The following SHISA9 variants were observed in gnomAD, a reference collection of about 807,000 sequenced individuals.
SHISA9 encodes the protein protein shisa-9.
Under a neutral mutation model 38.0 loss-of-function variants are expected in SHISA9, and 13 were observed. The observed-to-expected ratio is 0.34, with a 90% confidence interval of 0.22 to 0.54. SHISA9 has a LOEUF of 0.54. Ranked by LOEUF, SHISA9 falls within the 20% of genes least tolerant of loss-of-function variation. The pLI is 0.91. For synonymous variants in SHISA9, 275 were observed against 242.0 expected (o/e 1.14, Z -1.27); for missense variants, 538 against 575.8 (o/e 0.93, Z 0.67).
At chr16:12,944,088 G>A (rs531920989) in intron 2 of SHISA9, among the ~76,000 whole-genome samples, 5 of 152,204 alleles carry the variant, frequency 3.3e-5, no homozygotes, top group African/African-American at 1.2e-4. Flanking sequence ...ACCCAGTTAT[G>A]ATAACCAAAT....
the SHISA9 span, among the ~76,000 whole-genome samples, chr16:13,330,151 A>G: frequency 6.6e-6 from 1 of 152,240 alleles, no homozygotes; most frequent in Admixed American, 6.5e-5. Flanking sequence ...TGGCACATTC[A>G]GATAGGCAGC....
chr16:12,998,806 T>C (rs8048446), intron 2 of SHISA9, among the ~76,000 whole-genome samples: 35,804 of 152,106 alleles, frequency 0.24, 4,450 homozygotes, highest in Middle Eastern at 0.34. Flanking sequence ...AATGAGTATT[T>C]ATGTCTGTAA....
At chr16:13,271,121 A>T in the SHISA9 span, among the ~76,000 whole-genome samples, 2 of 152,192 alleles carry the variant, frequency 1.3e-5, no homozygotes, top group African/African-American at 4.8e-5. Context: ...CAAGTCTGAC[A>T]CCCAAATCAA....
chr16:12,908,712 G>T, intron 1 of SHISA9: 1 of 1,475,676 alleles, frequency 6.8e-7, no homozygotes, highest in South Asian at 1.4e-5. Context: ...GCCAGTTCAA[G>T]AAGCTACCGT....
the SHISA9 span, among the ~76,000 whole-genome samples, chr16:13,539,107 A>G: frequency 2.6e-5 from 4 of 151,650 alleles, no homozygotes; most frequent in South Asian, 8.4e-4. Context: ...TCTAGTGAGG[A>G]TAAGGTCCAG....
At chr16:13,293,323 C>T in the SHISA9 span, among the ~76,000 whole-genome samples, 6 of 152,104 alleles carry the variant, frequency 3.9e-5, no homozygotes, top group African/African-American at 1.4e-4. Context: ...GTTTTGAACT[C>T]CATGTTCTTT....
the SHISA9 span, among the ~76,000 whole-genome samples, chr16:13,490,005 C>A: frequency 1.3e-5 from 2 of 152,094 alleles, no homozygotes; most frequent in African/African-American, 2.4e-5. Context: ...CTGGTTAAAT[C>A]AAATGAAATT....
the SHISA9 span, among the ~76,000 whole-genome samples, chr16:13,448,149 G>A: frequency 6.6e-6 from 1 of 152,298 alleles, no homozygotes; most frequent in Admixed American, 6.5e-5. Flanking sequence ...TTGAAAGTCT[G>A]CCAGAGGTGA....
chr16:13,261,037 A>G, the SHISA9 span, among the ~76,000 whole-genome samples: 10 of 152,276 alleles, frequency 6.6e-5, no homozygotes, highest in East Asian at 1.9e-4. Context: ...CACTATCACA[A>G]GAATAGCAAG....
At chr16:13,346,958 T>A in the SHISA9 span, among the ~76,000 whole-genome samples, 1 of 152,196 alleles carries the variant, frequency 6.6e-6, no homozygotes, top group Admixed American at 6.5e-5. Flanking sequence ...TCATGCTGGG[T>A]TTTGAGATTT....
the SHISA9 span, among the ~76,000 whole-genome samples, chr16:13,368,590 A>C: frequency 1.3e-5 from 2 of 152,084 alleles, no homozygotes; most frequent in Non-Finnish European, 2.9e-5. Flanking sequence ...CCTTTAAAAG[A>C]CGTATCCAGC....
At chr16:13,409,517 T>C in the SHISA9 span, among the ~76,000 whole-genome samples, 1 of 152,348 alleles carries the variant, frequency 6.6e-6, no homozygotes, top group East Asian at 1.9e-4. Context: ...GTAACGGATT[T>C]GAGCAGTGGT....
chr16:13,069,463 A>ATGTG (rs2073483778), intron 2 of SHISA9, among the ~76,000 whole-genome samples: 1 of 110,590 alleles, frequency 9.0e-6, no homozygotes, highest in Admixed American at 9.7e-5. Flanking sequence ...CAAAGTATGC[A>ATGTG]TGTGTATGTG....
chr16:13,448,566 T>A, the SHISA9 span, among the ~76,000 whole-genome samples: 1 of 152,250 alleles, frequency 6.6e-6, no homozygotes. Flanking sequence ...AAGCCATCTG[T>A]GGCCCTGCCC....
intron 2 of SHISA9, among the ~76,000 whole-genome samples, chr16:12,943,477 T>A (rs901669223): frequency 6.6e-5 from 10 of 152,026 alleles, no homozygotes; most frequent in Non-Finnish European, 1.5e-4. Context: ...TATTTCCCTG[T>A]TTTGAATGTA....
chr16:13,506,700 T>C, the SHISA9 span, among the ~76,000 whole-genome samples: 3 of 151,926 alleles, frequency 2.0e-5, no homozygotes, highest in Non-Finnish European at 4.4e-5. Context: ...AGAGAGCTTA[T>C]GGGAAAAGAG....
chr16:12,982,556 C>T (rs1218466390), intron 2 of SHISA9, among the ~76,000 whole-genome samples: 1 of 152,196 alleles, frequency 6.6e-6, no homozygotes, highest in Non-Finnish European at 1.5e-5. Context: ...TCCCTGAAGT[C>T]CCCCAGCAGG....
chr16:13,410,433 C>T, the SHISA9 span, among the ~76,000 whole-genome samples: 4 of 152,018 alleles, frequency 2.6e-5, no homozygotes, highest in Non-Finnish European at 4.4e-5. Context: ...ATAAATGATA[C>T]GTCATGTATT....
At chr16:13,481,393 C>T in the SHISA9 span, among the ~76,000 whole-genome samples, 1 of 152,214 alleles carries the variant, frequency 6.6e-6, no homozygotes, top group Non-Finnish European at 1.5e-5. Flanking sequence ...GCTGTGCTAG[C>T]AAACGTTACA....
Sources: allele counts gnomAD v4.1 joint callset (sites outside exome capture counted in the v4.1 genomes callset), GRCh38; gene constraint gnomAD v4.1.1; transcripts MANE v1.5; gene names NCBI Gene and HGNC (gene_info 2026-07-23, HGNC 2026-07-21).